Variants in NT5DC3 observed in about 807,000 individuals in gnomAD.
NT5DC3 encodes the protein 5'-nucleotidase domain containing 3, also known as 5'-nucleotidase domain-containing protein 3.
Under a neutral mutation model 67.8 loss-of-function variants are expected in NT5DC3, and 42 were observed. The ratio of observed to expected loss-of-function variants is 0.62; its 90% CI spans 0.48 to 0.80. NT5DC3 has a LOEUF of 0.80. NT5DC3 is among the 30% of genes least tolerant of loss of function. The pLI is 0.00. For missense variants in NT5DC3, 570 were observed against 696.4 expected (o/e 0.82, Z 2.04); for synonymous variants, 237 against 255.6 (o/e 0.93, Z 0.69).
At chr12:103,748,853 G>A in the NT5DC3 span, 13 of 1,129,934 alleles carry the variant, frequency 1.2e-5, no homozygotes, top group South Asian at 2.1e-4. Context: ...ACACGCAGGG[G>A]CCCATTTACT....
At position 103,773,944 on chromosome 12, in the gene NT5DC3, T is replaced by C. The variant is rs181751222; in HGVS notation, c.*3885A>G. ...CAAATCAGTAGCAAGTGGTTTATGT[T>C]ACATAATATTAATGGGAATAGCAGA... is the stretch of plus-strand genomic sequence containing the variant. On this transcript the variant is annotated 3_prime_UTR_variant, in exon 14 of 14. Transcript: ENST00000392876. 2 of 152,752 alleles carry C rather than the reference T, an allele frequency of 1.3e-5. No individual in the cohort carries two copies. Among genetic ancestry groups the C allele is most frequent in the East Asian group, 3.9e-4 (2 of 5,190 alleles). 9.5% of individuals were successfully genotyped at this position (152,752 alleles called of 1,614,324 possible).
Position 103,828,696 on chromosome 12 carries a change from C to CTTTTTT in NT5DC3, c.208+12252_208+12253insAAAAAA, listed in dbSNP as rs376961953. On this transcript the variant is annotated intron_variant, in intron 1 of 13. Transcript: ENST00000392876. ...TACCACTCTCCTGCATTTTTTCTTTCTTTTTATTTTTTTTTTTTGGAGACG... is the reference window on the plus strand; with the variant it reads ...TACCACTCTCCTGCATTTTTTCTTTCTTTTTTTTTTTATTTTTTTTTTTTGGAGACG... Among the ~76,000 whole-genome samples the CTTTTTT allele has an allele frequency of 1.0e-4, 14 of 136,348 alleles. 1 individual carries two copies. Among genetic ancestry groups the CTTTTTT allele is most frequent in the East Asian group, 2.3e-4 (1 of 4,398 alleles). The allele number at this position is 136,348 out of a possible 152,430, so 89.4% of individuals were successfully genotyped here. A position where few individuals can be genotyped will look rare whatever the true frequency, so the allele number is the denominator to read the frequency against.
In NT5DC3 at chr12:103,785,205, C is replaced by T. The variant is rs569954915; in HGVS notation, c.1329+130G>A. Reference sequence around the variant, plus strand: ...ACTGTCTAGGCAAAAGAACCCCAATCGTTATTCTACAGTCTACTGAAAACA... The same window carrying T: ...ACTGTCTAGGCAAAAGAACCCCAATTGTTATTCTACAGTCTACTGAAAACA... On this transcript the variant is annotated intron_variant, in intron 12 of 13. Transcript: ENST00000392876. The T allele has an allele frequency of 1.9e-4, 160 of 829,848 alleles. 1 individual carries two copies. The African/African-American group carries it at 2.4e-3, about 12-fold the overall frequency. 51.4% of individuals were successfully genotyped at this position (829,848 alleles called of 1,614,324 possible).
At position 103,776,288 on chromosome 12, in the gene NT5DC3, G is replaced by C. The variant is rs568137064; in HGVS notation, c.*1541C>G. On this transcript the variant is annotated 3_prime_UTR_variant, in exon 14 of 14. Coordinates refer to ENST00000392876, the MANE Select transcript of NT5DC3 (RefSeq NM_001031701.3). ...TGAAAAAAGCAGGCCAGGTGCGGTG[G>C]CTCACACCTGTAATCCCAGCAATTT... The C allele has an allele frequency of 7.9e-5, 12 of 152,322 alleles. No homozygotes were observed. The highest frequency in any genetic ancestry group is 2.6e-4 in the African/African-American group (11 of 41,562). The allele number at this position is 152,322 out of a possible 1,614,324, so 9.4% of individuals were successfully genotyped here.
intron 1 of NT5DC3, among the ~76,000 whole-genome samples, chr12:103,819,260 C>A (rs572857751): frequency 7.2e-5 from 11 of 152,260 alleles, no homozygotes; most frequent in Admixed American, 6.5e-4. Flanking sequence ...GATCTTGGCA[C>A]CCCGTGCAAA....
the NT5DC3 span, among the ~76,000 whole-genome samples, chr12:103,762,881 T>C: frequency 6.6e-6 from 1 of 152,182 alleles, no homozygotes; most frequent in African/African-American, 2.4e-5. Context: ...CACATCCCAA[T>C]CAGCAGCCAG....
chr12:103,769,314 G>A (rs187102977), downstream of NT5DC3, among the ~76,000 whole-genome samples: 33 of 152,262 alleles, frequency 2.2e-4, no homozygotes, highest in East Asian at 5.8e-3. Context: ...CCTGTCACAT[G>A]AGGTAATATG....
Position 103,805,057 on chromosome 12 carries a change from C to CAAAA in NT5DC3, c.524+1261_524+1264dup, listed in dbSNP as rs35401787. Among the ~76,000 whole-genome samples the CAAAA allele has an allele frequency of 1.9e-4, 23 of 120,898 alleles. No homozygotes were observed. The South Asian group carries it at 3.4e-3, about 18-fold the overall frequency. The allele number at this position is 120,898 out of a possible 152,430, so 79.3% of individuals were successfully genotyped here. A position where few individuals can be genotyped will look rare whatever the true frequency, so the allele number is the denominator to read the frequency against. ...CAAGAGGGAGACTCCATCTCAATAA[C>CAAAA]AAAAAAAAAAAAAAAGAGTGAACCA... On this transcript the variant is annotated intron_variant, in intron 4 of 13. Transcript: ENST00000392876.
chr12:103,758,384 A>G, the NT5DC3 span: 1 of 1,571,384 alleles, frequency 6.4e-7, no homozygotes, highest in Non-Finnish European at 8.6e-7. Flanking sequence ...CTCAGTGGCT[A>G]CACATTTATT....
At chr12:103,824,359 G>A (rs17034640) in intron 1 of NT5DC3, among the ~76,000 whole-genome samples, 15,464 of 152,234 alleles carry the variant, frequency 0.1, 1,126 homozygotes, top group East Asian at 0.29. Flanking sequence ...ATGTTGAGAC[G>A]AAACAAAATG....
intron 6 of NT5DC3, among the ~76,000 whole-genome samples, chr12:103,796,390 G>A (rs578063023): frequency 6.5e-4 from 99 of 152,302 alleles, no homozygotes; most frequent in Non-Finnish European, 1.1e-3. Context: ...GGTGGCAGGC[G>A]CCTGTAATCC....
intron 1 of NT5DC3, among the ~76,000 whole-genome samples, chr12:103,825,083 G>A (rs1391234646): frequency 6.0e-5 from 9 of 151,230 alleles, no homozygotes; most frequent in African/African-American, 1.5e-4. Context: ...ATGCCCCCCC[G>A]GGAAGAGGCA....
intron 2 of NT5DC3, among the ~76,000 whole-genome samples, chr12:103,810,951 A>G (rs1277129987): frequency 6.6e-6 from 1 of 152,222 alleles, no homozygotes; most frequent in East Asian, 1.9e-4. Context: ...GGCAACGCAG[A>G]AGGGAACAAA....
intron 1 of NT5DC3, among the ~76,000 whole-genome samples, chr12:103,817,157 GATCATAAGGGTGAC>G (rs1260761520): frequency 3.3e-5 from 5 of 152,016 alleles, no homozygotes; most frequent in Admixed American, 3.3e-4. Context: ...TGGAGAAACT[GATCATAAGGGTGAC>G]ATCTCAGACG....
At chr12:103,762,351 T>C in the NT5DC3 span, 1 of 1,614,246 alleles carries the variant, frequency 6.2e-7, no homozygotes, top group Non-Finnish European at 8.5e-7. Context: ...CCTTGGCTGC[T>C]TACTCCTACT....
At chr12:103,806,138 G>C (rs894254178) in intron 4 of NT5DC3, among the ~76,000 whole-genome samples, 184 bp downstream of exon 4, 4 of 152,116 alleles carry the variant, frequency 2.6e-5, no homozygotes, top group African/African-American at 9.7e-5. Flanking sequence ...AGGACATCAA[G>C]GCACACCAAG....
At chr12:103,800,360 C>T (rs1035846380) in intron 4 of NT5DC3, among the ~76,000 whole-genome samples, 2 of 152,228 alleles carry the variant, frequency 1.3e-5, no homozygotes, top group African/African-American at 4.8e-5. Context: ...TGGCACTAAG[C>T]CAGATCATTC....
intron 1 of NT5DC3, among the ~76,000 whole-genome samples, chr12:103,831,238 G>C (rs1313265182): frequency 6.6e-6 from 1 of 152,094 alleles, no homozygotes; most frequent in Non-Finnish European, 1.5e-5. Flanking sequence ...TGCTTTTATA[G>C]GCATCTGGCA....
chr12:103,797,730 G>A (rs1051924145), intron 5 of NT5DC3, among the ~76,000 whole-genome samples: 1 of 152,082 alleles, frequency 6.6e-6, no homozygotes, highest in African/African-American at 2.4e-5. Context: ...ACTGGAGCAC[G>A]AACCTCACGG....
Sources: gnomAD v4.1 joint callset for allele counts (sites outside exome capture counted in the v4.1 genomes callset) on GRCh38, gnomAD v4.1.1 for gene constraint, MANE v1.5 for transcripts, NCBI Gene and HGNC (gene_info 2026-07-23, HGNC 2026-07-21) for gene names.